CLINT1: variants seen among roughly 807,000 people sequenced by gnomAD.
CLINT1 encodes the protein clathrin interacting protein localized in the trans-Golgi region.
CLINT1 carries 15 observed loss-of-function variants against 70.4 expected under a neutral mutation model. That is an observed-to-expected ratio of 0.21 (90% CI 0.14 to 0.33). The LOEUF is 0.33. CLINT1 is among the 10% of genes least tolerant of loss of function. CLINT1 has a pLI of 1.00. For missense variants in CLINT1, 615 were observed against 778.1 expected (o/e 0.79, Z 2.49); for synonymous variants, 227 against 254.7 (o/e 0.89, Z 1.04).
intron 1 of CLINT1, 131 bp downstream of exon 1, chr5:157,858,799 G>A (rs1273525345): frequency 1.2e-5 from 12 of 976,394 alleles, no homozygotes; most frequent in Non-Finnish European, 1.5e-5. Context: ...GGAAGGAGCG[G>A]GCCGCCGCCA....
At chr5:157,823,225 A>C (rs1473275171) in intron 1 of CLINT1, among the ~76,000 whole-genome samples, 1 of 152,200 alleles carries the variant, frequency 6.6e-6, no homozygotes, top group Non-Finnish European at 1.5e-5. Flanking sequence ...AATAAACATA[A>C]CTTAGTTCCA....
At chr5:157,788,118 G>T in intron 11 of CLINT1, 126 bp from the exon 12 acceptor site, 1 of 777,792 alleles carries the variant, frequency 1.3e-6, no homozygotes, top group Non-Finnish European at 2.2e-6. Context: ...CCTTTACAGT[G>T]ATTTTATTAG....
rs1446616943 is a variant in CLINT1 at position 157,787,440 on chromosome 5, T to C, written c.*206A>G. On this transcript the variant is annotated 3_prime_UTR_variant, in exon 12 of 12. Coordinates refer to ENST00000411809, the MANE Select transcript of CLINT1 (RefSeq NM_014666.4). ...TCTATCCTCACTGGAAAAAAATGAT[T>C]TTGACTGCCTCATCTGAAGTGCTCT... The C allele has an allele frequency of 2.4e-5, 14 of 590,362 alleles. No homozygotes were observed. The highest frequency in any genetic ancestry group is 1.1e-4 in the South Asian group (5 of 47,526). The allele number at this position is 590,362 out of a possible 1,614,324, so 36.6% of individuals were successfully genotyped here.
intron 1 of CLINT1, among the ~76,000 whole-genome samples, chr5:157,837,585 G>A (rs1181269909): frequency 6.6e-6 from 1 of 151,668 alleles, no homozygotes; most frequent in Non-Finnish European, 1.5e-5. Context: ...AGGCTACAAA[G>A]ATACTACTTA....
chr5:157,788,114 C>T, intron 11 of CLINT1, 122 bp from the exon 12 acceptor site: 1 of 806,152 alleles, frequency 1.2e-6, no homozygotes, highest in Non-Finnish European at 2.1e-6. Context: ...AATTCCTTTA[C>T]AGTGATTTTA....
At chr5:157,821,591 C>A (rs1762881284) in intron 1 of CLINT1, among the ~76,000 whole-genome samples, 1 of 152,178 alleles carries the variant, frequency 6.6e-6, no homozygotes, top group Non-Finnish European at 1.5e-5. Flanking sequence ...TCTATCTAGG[C>A]TTACTCAACA....
At chr5:157,851,288 CATA>C (rs1431639287) in intron 1 of CLINT1, among the ~76,000 whole-genome samples, 4 of 152,082 alleles carry the variant, frequency 2.6e-5, no homozygotes, top group East Asian at 1.9e-4. Flanking sequence ...ACGTTTACCA[CATA>C]ATGATGAGTG....
intron 1 of CLINT1, among the ~76,000 whole-genome samples, chr5:157,822,541 A>G (rs768031143): frequency 7.9e-4 from 121 of 152,292 alleles, no homozygotes; most frequent in Non-Finnish European, 1.5e-3. Context: ...ATGGACTAAC[A>G]CATGCTTCTA....
chr5:157,826,733 T>C (rs537262355), intron 1 of CLINT1, among the ~76,000 whole-genome samples: 5 of 152,330 alleles, frequency 3.3e-5, no homozygotes, highest in South Asian at 2.1e-4. Flanking sequence ...CAAAAACTTA[T>C]TGTATTTCAC....
intron 3 of CLINT1, among the ~76,000 whole-genome samples, chr5:157,814,907 C>G (rs1762670929): frequency 6.6e-6 from 1 of 151,852 alleles, no homozygotes; most frequent in African/African-American, 2.4e-5. Context: ...GTGGCCCACG[C>G]CTGTAATCTC....
chr5:157,819,822 A>G (rs920805108), intron 1 of CLINT1, among the ~76,000 whole-genome samples: 3 of 152,234 alleles, frequency 2.0e-5, no homozygotes, highest in Non-Finnish European at 2.9e-5. Flanking sequence ...TACATGAAAT[A>G]TTTTTACCAG....
chr5:157,797,709 T>C (rs545174289), intron 8 of CLINT1, among the ~76,000 whole-genome samples: 6 of 152,302 alleles, frequency 3.9e-5, no homozygotes, highest in African/African-American at 1.2e-4. Context: ...TCAAATCTTA[T>C]TCAGTCTAGG....
At chr5:157,809,864 A>T in intron 5 of CLINT1, 59 bp from the exon 6 acceptor site, 1 of 1,476,428 alleles carries the variant, frequency 6.8e-7, no homozygotes, top group South Asian at 1.3e-5. Flanking sequence ...AAAGGTATCT[A>T]CAAGTCCTTA....
At chr5:157,843,796 C>A (rs1348978494) in intron 1 of CLINT1, among the ~76,000 whole-genome samples, 1 of 152,074 alleles carries the variant, frequency 6.6e-6, no homozygotes, top group Admixed American at 6.6e-5. Flanking sequence ...GCATAAAAGC[C>A]TTCTAAGAAA....
intron 1 of CLINT1, among the ~76,000 whole-genome samples, chr5:157,826,240 T>TTAAATTATCTC (rs1763032948): frequency 6.6e-6 from 1 of 152,090 alleles, no homozygotes; most frequent in South Asian, 2.1e-4. Flanking sequence ...CCCACATTTA[T>TTAAATTATCTC]CCATAAATTA....
Position 157,797,134 on chromosome 5 carries a change from C to A in CLINT1, c.1013-2162G>T, listed in dbSNP as rs560535292. On this transcript the variant is annotated intron_variant, in intron 8 of 11. Transcript: ENST00000411809. ...TAAACAAGCACACATATTAATAAAA[C>A]CTATCAAGTAAATGAATACTTCAAA... is the stretch of plus-strand genomic sequence containing the variant. 2.0e-5 allele frequency among the ~76,000 whole-genome samples: 3 copies of A among 152,220 alleles called. No individual in the cohort carries two copies. The South Asian group carries it at 6.2e-4, about 32-fold the overall frequency.
chr5:157,817,577 G>A, intron 1 of CLINT1, 30 bp from the exon 2 acceptor site: 7 of 1,379,898 alleles, frequency 5.1e-6, no homozygotes, highest in Non-Finnish European at 6.1e-6. Flanking sequence ...ACGCACACAT[G>A]CACAAAGATT....
intron 1 of CLINT1, among the ~76,000 whole-genome samples, chr5:157,830,757 CCTCTCT>C (rs373819711): frequency 0.14 from 12,427 of 87,062 alleles, 908 homozygotes; most frequent in Non-Finnish European, 0.18. Flanking sequence ...CCTCTCTCTC[CCTCTCT>C]CTCTCTCTCT....
chr5:157,841,003 T>C (rs898007948), intron 1 of CLINT1, among the ~76,000 whole-genome samples: 5 of 152,186 alleles, frequency 3.3e-5, no homozygotes, highest in African/African-American at 4.8e-5. Context: ...GGTTCACACA[T>C]GCAATCCCAG....
Sources: gnomAD v4.1 joint callset for allele counts (sites outside exome capture counted in the v4.1 genomes callset) on GRCh38, gnomAD v4.1.1 for gene constraint, MANE v1.5 for transcripts, NCBI Gene and HGNC (gene_info 2026-07-23, HGNC 2026-07-21) for gene names.